The following DNAH10 variants were observed in gnomAD, a reference collection of about 807,000 sequenced individuals.
DNAH10 encodes the protein dynein axonemal heavy chain 10.
A neutral mutation model predicts 506.6 loss-of-function variants in DNAH10; 348 were observed. That is an observed-to-expected ratio of 0.69 (90% CI 0.63 to 0.75). The LOEUF (loss-of-function observed/expected upper bound fraction) is 0.75, where lower values mean the gene tolerates loss of function less well. Among genes scored for constraint, DNAH10 ranks in the 30% least tolerant of loss-of-function variants. The pLI is 0.00. For synonymous variants in DNAH10, 2,059 were observed against 2,198.6 expected, an observed-to-expected ratio of 0.94 and a Z score of 1.78; for missense variants, 5,179 against 5,787.1, an observed-to-expected ratio of 0.89 and a Z score of 3.41.
At chr12:123,804,418 G>A (rs985183658) in intron 17 of DNAH10, among the ~76,000 whole-genome samples, 4 of 151,844 alleles carry the variant, frequency 2.6e-5, no homozygotes, top group Non-Finnish European at 2.9e-5. Flanking sequence ...CCAGCTACTC[G>A]GGAGGCTGAG....
In DNAH10 at chr12:123,767,696, AG is replaced by A. The variant is rs1403459824; in HGVS notation, c.298+8del. 1.2e-6 allele frequency: 2 copies of A among 1,608,774 alleles called. No homozygotes were observed. The highest frequency in any genetic ancestry group is 2.7e-5 in the African/African-American group (2 of 74,836). On this transcript the variant is annotated splice_region_variant and intron_variant, in intron 2 of 78. Transcript: ENST00000673944. ...TCCGTGGATAAAGTGCGAGGTGTGG[AG>A]TTGGGAGGGGTCATGGGAGGGTGGA...
At chr12:123,765,488 A>G (rs150774043) in intron 1 of DNAH10, among the ~76,000 whole-genome samples, 2 of 152,282 alleles carry the variant, frequency 1.3e-5, no homozygotes, top group East Asian at 1.9e-4. Context: ...TTGTCAAATT[A>G]TCAGTCAATC....
chr12:123,863,968 A>G (rs1205322197), intron 39 of DNAH10, among the ~76,000 whole-genome samples: 1 of 152,192 alleles, frequency 6.6e-6, no homozygotes, highest in East Asian at 1.9e-4. Flanking sequence ...GGCAGGGACT[A>G]TGACACTTTC....
chr12:123,886,487 G>GTT (rs1952737564), intron 51 of DNAH10, among the ~76,000 whole-genome samples: 1 of 148,336 alleles, frequency 6.7e-6, no homozygotes. Flanking sequence ...GCGCGTGTGT[G>GTT]TGCACACGTG....
chr12:123,848,553 A>G (rs949048924), intron 33 of DNAH10, among the ~76,000 whole-genome samples, 177 bp from the exon 34 acceptor site: 22 of 152,240 alleles, frequency 1.4e-4, no homozygotes, highest in African/African-American at 3.9e-4. Flanking sequence ...GAGCCAGCCC[A>G]TGAGGGGCCT....
intron 2 of DNAH10, 65 bp downstream of exon 2, chr12:123,767,754 G>A: frequency 3.6e-6 from 5 of 1,391,404 alleles, no homozygotes; most frequent in South Asian, 1.2e-5. Flanking sequence ...CGGGAGTAGG[G>A]TGCTGCCTGC....
chr12:123,887,177 G>C lies in DNAH10; in HGVS notation c.8859G>C (p.Glu2953Asp). The stretch of plus-strand genomic sequence containing the variant: ...TCCTGCTGAGCCGAGGCTACTCGGA[G>C]AACAGTTTCCGGGAAGACCTGAAGA... ...FEILLSRGYS[E>D]NSFREDLKSL... Residue 2953 changes from glutamate to aspartate, a missense_variant, in exon 52 of 79, where the codon GAG becomes GAC. Glu to Asp is a conservative substitution (Grantham distance 45). This residue lies in a region of DNAH10 where 4,844 missense variants were observed against 5,430.5 expected (regional missense o/e 0.89). Coordinates refer to ENST00000673944, the MANE Select transcript of DNAH10 (RefSeq NM_001372106.1). 1 of 1,612,580 alleles carries C rather than the reference G, an allele frequency of 6.2e-7. No homozygotes were observed. The highest frequency in any genetic ancestry group is 8.5e-7 in the Non-Finnish European group (1 of 1,179,282).
At position 123,922,733 on chromosome 12, in the gene DNAH10, C is replaced by T. The variant is rs76729502; in HGVS notation, c.11507-1030C>T. Among the ~76,000 whole-genome samples the T allele has an allele frequency of 7.2e-3, 1,099 of 152,278 alleles. 7 individuals carry two copies. Among genetic ancestry groups the T allele is most frequent in the African/African-American group, 0.025 (1,032 of 41,536 alleles). ...AGGCTGTCTTCCTGCTCTGTCCACA[C>T]AAGGTCTTTCTTCTCTGCGTGTGAA... On this transcript the variant is annotated intron_variant, in intron 65 of 78. Coordinates refer to ENST00000673944, the MANE Select transcript of DNAH10 (RefSeq NM_001372106.1).
chr12:123,805,710 A>G (rs552322878), intron 18 of DNAH10, among the ~76,000 whole-genome samples: 35 of 151,812 alleles, frequency 2.3e-4, no homozygotes, highest in African/African-American at 8.2e-4. Flanking sequence ...TATGAAGGGG[A>G]ACTCCAGAAG....
Position 123,826,693 on chromosome 12 carries a change from AAAG to A in DNAH10, c.4192_4194del (p.Glu1398del). 1 of 1,613,002 alleles carries A rather than the reference AAAG, an allele frequency of 6.2e-7. No homozygotes were observed. The highest frequency in any genetic ancestry group is 8.5e-7 in the Non-Finnish European group (1 of 1,179,416). ...GTTCCTTGCACGTTTCCAGGTTGCAAAAGAAGAATGGTCTCAGACCCTTTGGAT... is the reference window on the plus strand; with the variant it reads ...GTTCCTTGCACGTTTCCAGGTTGCAAAAGAATGGTCTCAGACCCTTTGGAT... On this transcript the variant is annotated inframe_deletion, in exon 25 of 79. Coordinates refer to ENST00000673944, the MANE Select transcript of DNAH10 (RefSeq NM_001372106.1).
At chr12:123,819,561 C>G (rs1290365104) in intron 23 of DNAH10, among the ~76,000 whole-genome samples, 1 of 152,124 alleles carries the variant, frequency 6.6e-6, no homozygotes, top group Non-Finnish European at 1.5e-5. Context: ...CCAGCGACTG[C>G]CTTTACAAAG....
At position 123,868,133 on chromosome 12, in the gene DNAH10, G is replaced by A; in HGVS notation, c.7519+14G>A. On this transcript the variant is annotated intron_variant, in intron 43 of 78. Transcript: ENST00000673944. The stretch of plus-strand genomic sequence containing the variant: ...GGGAACTGCCAGGTGGGAACCGAGT[G>A]TCGCCTGTTTCCCTGCTCTGAGTGC... The A allele has an allele frequency of 6.2e-7, 1 of 1,608,822 alleles. No individual in the cohort carries two copies. The highest frequency in any genetic ancestry group is 8.5e-7 in the Non-Finnish European group (1 of 1,177,610).
chr12:123,845,580 C>CAGGTG lies in DNAH10; in HGVS notation c.5361-19_5361-15dup. The CAGGTG allele has an allele frequency of 6.2e-7, 1 of 1,610,952 alleles. No individual in the cohort carries two copies. ...TCCCCGGATTGATCAGAGCCTCTTA[C>CAGGTG]AGGTGTGCGTTTTCTGCAGAGTCGA... On this transcript the variant is annotated intron_variant, in intron 30 of 78. Transcript: ENST00000673944.
In DNAH10 at chr12:123,787,399, C is replaced by T. The variant is rs1053050012; in HGVS notation, c.1422-405C>T. Among the ~76,000 whole-genome samples the T allele has an allele frequency of 2.4e-4, 35 of 146,770 alleles. No individual in the cohort carries two copies. The highest frequency in any genetic ancestry group is 1.9e-3 in the South Asian group (9 of 4,780). On this transcript the variant is annotated intron_variant, in intron 9 of 78. Coordinates refer to ENST00000673944, the MANE Select transcript of DNAH10 (RefSeq NM_001372106.1). This position sits in a 1 kb window ranked among gnomAD's most constrained non-coding sequence, Gnocchi z 4.6. ...TATTTATATACATCTCTCTCTCTCTCTCTATCTACCTGCATAGCTAGATCT... is the reference window on the plus strand; with the variant it reads ...TATTTATATACATCTCTCTCTCTCTTTCTATCTACCTGCATAGCTAGATCT...
Position 123,829,653 on chromosome 12 carries a change from A to G in DNAH10, c.4392-893A>G, listed in dbSNP as rs538704575. Among the ~76,000 whole-genome samples the G allele has an allele frequency of 1.2e-4, 18 of 152,290 alleles. No individual in the cohort carries two copies. In the South Asian group the frequency reaches 3.3e-3, roughly 28 times the overall value. ...CTTCCTGTCCGTGCTGTGCTAGGCCAGGGGGTTCAGAGACCGATGAACCAG... is the reference window on the plus strand; with the variant it reads ...CTTCCTGTCCGTGCTGTGCTAGGCCGGGGGGTTCAGAGACCGATGAACCAG... On this transcript the variant is annotated intron_variant, in intron 25 of 78. Transcript: ENST00000673944.
Position 123,853,444 on chromosome 12 carries a change from C to G in DNAH10, c.6438+92C>G. On this transcript the variant is annotated intron_variant, in intron 36 of 78. Transcript: ENST00000673944. This position sits in a 1 kb window ranked among gnomAD's most constrained non-coding sequence, Gnocchi z 4.7. ...GGAGGTGATGGGCACAGTATGGTAT[C>G]ACCTGAAAGGTTTAAGTCTTAGCTG... 1 of 1,450,384 alleles carries G rather than the reference C, an allele frequency of 6.9e-7. No individual in the cohort carries two copies. The highest frequency in any genetic ancestry group is 1.5e-5 in the South Asian group (1 of 67,352). 89.8% of individuals were successfully genotyped at this position (1,450,384 alleles called of 1,614,324 possible).
In DNAH10 at chr12:123,835,518, T is replaced by C; in HGVS notation, c.4892T>C (p.Val1631Ala). The change falls in exon 28 of 79, where the codon GTA becomes GCA. Residue 1631 changes from valine to alanine, a missense_variant. Val to Ala is a moderately conservative substitution (Grantham distance 64). This residue lies in a region of DNAH10 where 4,844 missense variants were observed against 5,430.5 expected (regional missense o/e 0.89). Transcript: ENST00000673944. The stretch of plus-strand genomic sequence containing the variant: ...AAAAAGTTTGACAACATCGATAAAG[T>C]ATTTAAAAGGGCAAGTGACTCGCTT... ...EAKKFDNIDK[V>A]FKRIMGETLK... 6.2e-7 allele frequency: 1 copy of C among 1,607,632 alleles called. No homozygotes were observed. Among genetic ancestry groups the C allele is most frequent in the Non-Finnish European group, 8.5e-7 (1 of 1,176,772 alleles).
At chr12:123,885,356 G>T (rs998711504) in intron 51 of DNAH10, among the ~76,000 whole-genome samples, 1 of 152,108 alleles carries the variant, frequency 6.6e-6, no homozygotes, top group Non-Finnish European at 1.5e-5. Context: ...CTATTGTTTG[G>T]ATATGCCACA....
At chr12:123,779,294 G>T (rs912892926) in intron 5 of DNAH10, among the ~76,000 whole-genome samples, 4 of 152,012 alleles carry the variant, frequency 2.6e-5, no homozygotes, top group Non-Finnish European at 5.9e-5. Flanking sequence ...TCCCGCCTTG[G>T]CCTCTCAAAG....
Sources: gnomAD v4.1 joint callset for allele counts (sites outside exome capture counted in the v4.1 genomes callset) on GRCh38, gnomAD v4.1.1 for gene constraint, gnomAD v4.1.1 regional missense constraint, Gnocchi (gnomAD v3.1) non-coding constraint, MANE v1.5 for transcripts, NCBI Gene and HGNC (gene_info 2026-07-23, HGNC 2026-07-21) for gene names.